Variants in MBP observed in about 807,000 individuals in gnomAD.
The protein encoded by MBP is Golli-MBP.
In MBP, 16 loss-of-function variants were observed where a neutral mutation model predicts 35.8. The observed-to-expected ratio is 0.45, with a 90% CI of 0.30 to 0.68. MBP has a LOEUF of 0.68. MBP is among the 30% of genes least tolerant of loss of function. The pLI, the probability that MBP is intolerant of heterozygous loss-of-function variation, is 0.08. For synonymous variants in MBP, 143 were observed against 159.6 expected, an observed-to-expected ratio of 0.90 and a Z score of 0.78; for missense variants, 380 against 404.7, an observed-to-expected ratio of 0.94 and a Z score of 0.52.
chr18:76,994,253 C>A (rs1315974181), intron 4 of MBP, among the ~76,000 whole-genome samples: 1 of 152,228 alleles, frequency 6.6e-6, no homozygotes, highest in Non-Finnish European at 1.5e-5. Flanking sequence ...CCAGGGCAAG[C>A]CACACCGCCT....
rs535860566 is a variant in MBP, at chr18:76,991,395, AACACAGGGGACATGGGGGCAGGTG to A, written c.577-1359_577-1336del. Among the ~76,000 whole-genome samples, 19 of 152,206 alleles carry A rather than the reference AACACAGGGGACATGGGGGCAGGTG, an allele frequency of 1.2e-4. No homozygotes were observed. The South Asian group carries it at 2.3e-3, about 18-fold the overall frequency. On this transcript the variant is annotated intron_variant, in intron 4 of 8. Coordinates refer to ENST00000355994, the MANE Select transcript of MBP (RefSeq NM_001025101.2). ...AGCCATGAGCGCCCGGGGGCAGGGGAACACAGGGGACATGGGGGCAGGTGACACAGGGGACATAGGCGACGCAGG... is the reference window on the plus strand; with the variant it reads ...AGCCATGAGCGCCCGGGGGCAGGGGAACACAGGGGACATAGGCGACGCAGG...
intron 2 of MBP, among the ~76,000 whole-genome samples, chr18:77,085,106 T>C (rs896918777): frequency 2.0e-5 from 3 of 152,142 alleles, no homozygotes; most frequent in Admixed American, 6.5e-5. Flanking sequence ...CAAAAGAATA[T>C]TGCACATTAT....
chr18:77,099,973 C>T (rs4890891), intron 2 of MBP, among the ~76,000 whole-genome samples: 67,459 of 152,132 alleles, frequency 0.44, 16,683 homozygotes, highest in East Asian at 0.74. Flanking sequence ...CGGCAAATGC[C>T]AATCCCAGGA....
At chr18:77,130,815 A>G (rs557711239) in intron 1 of MBP, among the ~76,000 whole-genome samples, 2 of 152,138 alleles carry the variant, frequency 1.3e-5, no homozygotes, top group South Asian at 4.1e-4. Flanking sequence ...ACCAGGTGTA[A>G]AACAAGCGAC....
Position 77,020,616 on chromosome 18 carries a change from G to A in MBP, c.140-3348C>T, listed in dbSNP as rs1971951237. On this transcript the variant is annotated intron_variant, in intron 3 of 8. Transcript: ENST00000355994. The surrounding 1 kb of genome is among the most constrained non-coding windows in gnomAD (Gnocchi z 4.1). Reference sequence around the variant, plus strand: ...GTGTGACATGCTGTCTGTTAGGGAGGCTCGTTAGAGACCCTTCCCAGGGCT... The same window carrying A: ...GTGTGACATGCTGTCTGTTAGGGAGACTCGTTAGAGACCCTTCCCAGGGCT... Among the ~76,000 whole-genome samples the A allele has an allele frequency of 6.6e-6, 1 of 152,204 alleles. No individual in the cohort carries two copies. Among genetic ancestry groups the A allele is most frequent in the Admixed American group, 6.5e-5 (1 of 15,290 alleles).
At chr18:77,010,665 C>T (rs1971293407) in intron 4 of MBP, among the ~76,000 whole-genome samples, 1 of 152,212 alleles carries the variant, frequency 6.6e-6, no homozygotes, top group African/African-American at 2.4e-5. Flanking sequence ...AGTTAATCTT[C>T]CTCAGCAGGA....
intron 3 of MBP, among the ~76,000 whole-genome samples, chr18:77,028,892 GGGAT>G (rs1972395267): frequency 2.7e-5 from 3 of 110,328 alleles, no homozygotes; most frequent in African/African-American, 8.7e-5. Context: ...CTTCCCAGAT[GGGAT>G]GGCGGCCGGG....
intron 2 of MBP, among the ~76,000 whole-genome samples, chr18:77,080,868 A>T (rs1183736989): frequency 6.6e-6 from 1 of 151,986 alleles, no homozygotes; most frequent in African/African-American, 2.4e-5. Flanking sequence ...TTTTTAGTAG[A>T]GACAGGGTTT....
intron 1 of MBP, among the ~76,000 whole-genome samples, chr18:77,105,566 T>G (rs1349714045): frequency 1.3e-5 from 2 of 152,210 alleles, no homozygotes; most frequent in Admixed American, 1.3e-4. Flanking sequence ...CAGATCTGTG[T>G]ATATGTACAG....
Position 77,131,072 on chromosome 18 carries a change from CG to C in MBP, c.-26+1507del. Reference sequence around the variant, plus strand: ...CCTCAAAAAACAAAACACACACACGCGCGCACGCACGCGCACACACACACAC... The same window carrying C: ...CCTCAAAAAACAAAACACACACACGCCGCACGCACGCGCACACACACACAC... On this transcript the variant is annotated intron_variant, in intron 1 of 8. Coordinates refer to ENST00000355994, the MANE Select transcript of MBP (RefSeq NM_001025101.2). This position sits in a 1 kb window ranked among gnomAD's most constrained non-coding sequence, Gnocchi z 5.5. 7.5e-5 allele frequency among the ~76,000 whole-genome samples: 1 copy of C among 13,326 alleles called. No individual in the cohort carries two copies. The allele number at this position is 13,326 out of a possible 152,430, so 8.7% of individuals were successfully genotyped here. A position where few individuals can be genotyped will look rare whatever the true frequency, so the allele number is the denominator to read the frequency against.
At chr18:77,001,329 A>G (rs1369215831) in intron 4 of MBP, among the ~76,000 whole-genome samples, 1 of 152,262 alleles carries the variant, frequency 6.6e-6, no homozygotes, top group Non-Finnish European at 1.5e-5. Context: ...ATCACTAGAT[A>G]CACGGGTGTA....
At chr18:77,089,235 C>T (rs1975402875) in intron 2 of MBP, among the ~76,000 whole-genome samples, 1 of 152,238 alleles carries the variant, frequency 6.6e-6, no homozygotes, top group African/African-American at 2.4e-5. Flanking sequence ...GGCTGGCAGG[C>T]CCTGTCTCCC....
chr18:76,999,116 G>A (rs1486306618), intron 4 of MBP, among the ~76,000 whole-genome samples: 2 of 152,122 alleles, frequency 1.3e-5, no homozygotes, highest in East Asian at 3.9e-4. Flanking sequence ...GTTCCTAGGT[G>A]GGAGGAGCTG....
intron 2 of MBP, among the ~76,000 whole-genome samples, chr18:77,092,295 T>G (rs1674719): frequency 0.41 from 62,566 of 151,808 alleles, 14,609 homozygotes; most frequent in African/African-American, 0.64. Flanking sequence ...CCTCCCTCTG[T>G]CCCTCGCGGG....
chr18:76,979,517 T>C lies in MBP; in HGVS notation c.*910A>G, dbSNP rs899538445. On this transcript the variant is annotated 3_prime_UTR_variant, in exon 9 of 9. Coordinates refer to ENST00000355994, the MANE Select transcript of MBP (RefSeq NM_001025101.2). ...GGCGACTGGCGCGGCTGCGAGGCTG[T>C]CTAGAGGACTCCTACCCTTCTGCTC... The C allele has an allele frequency of 2.8e-5, 5 of 178,016 alleles. No homozygotes were observed. In the Admixed American group the frequency reaches 2.8e-4, roughly 10 times the overall value. The allele number at this position is 178,016 out of a possible 1,614,324, so 11.0% of individuals were successfully genotyped here. A position where few individuals can be genotyped will look rare whatever the true frequency, so the allele number is the denominator to read the frequency against.
At chr18:76,995,073 A>C (rs1453410106) in intron 4 of MBP, among the ~76,000 whole-genome samples, 1 of 152,252 alleles carries the variant, frequency 6.6e-6, no homozygotes, top group East Asian at 1.9e-4. Flanking sequence ...AACAATTAAA[A>C]AACATTAAAA....
intron 3 of MBP, among the ~76,000 whole-genome samples, chr18:77,045,984 A>G (rs1363757909): frequency 6.6e-6 from 1 of 152,176 alleles, no homozygotes; most frequent in Non-Finnish European, 1.5e-5. Flanking sequence ...ATGTCGATGG[A>G]TGTGACATTT....
At chr18:77,027,557 C>T (rs1972271771) in intron 3 of MBP, among the ~76,000 whole-genome samples, 2 of 142,076 alleles carry the variant, frequency 1.4e-5, no homozygotes, top group Middle Eastern at 3.8e-3. Context: ...CCACAGGCCC[C>T]TTGCATACAC....
chr18:77,044,167 T>C lies in MBP; in HGVS notation c.139+22131A>G, dbSNP rs572737553. On this transcript the variant is annotated intron_variant, in intron 3 of 8. Coordinates refer to ENST00000355994, the MANE Select transcript of MBP (RefSeq NM_001025101.2). The surrounding 1 kb of genome is among the most constrained non-coding windows in gnomAD (Gnocchi z 4.4). The stretch of plus-strand genomic sequence containing the variant: ...AGGTCGAATGCACTCCCTGGTGACT[T>C]ACACATCTCACAAGTGCCCTCCATC... Among the ~76,000 whole-genome samples, 4 of 152,164 alleles carry C rather than the reference T, an allele frequency of 2.6e-5. No homozygotes were observed. The South Asian group carries it at 8.3e-4, about 32-fold the overall frequency.
Sources: gnomAD v4.1 joint callset for allele counts (sites outside exome capture counted in the v4.1 genomes callset) on GRCh38, gnomAD v4.1.1 for gene constraint, Gnocchi (gnomAD v3.1) non-coding constraint, MANE v1.5 for transcripts, NCBI Gene and HGNC (gene_info 2026-07-23, HGNC 2026-07-21) for gene names.